CHCHD3: variants seen among roughly 807,000 people sequenced by gnomAD.
CHCHD3 encodes the protein MICOS complex subunit MIC19.
CHCHD3 carries 20 observed loss-of-function variants against 38.2 expected under a neutral mutation model. The observed-to-expected ratio is 0.52, with a 90% CI of 0.37 to 0.76. CHCHD3 has a LOEUF of 0.76. Ranked by LOEUF, CHCHD3 falls within the 30% of genes least tolerant of loss-of-function variation. The probability of loss-of-function intolerance (pLI) is 0.00; values close to 1 mark genes in which losing one functional copy is unlikely to be tolerated. For missense variants in CHCHD3, 245 were observed against 279.2 expected, an observed-to-expected ratio of 0.88 and a Z score of 0.87; for synonymous variants, 82 against 100.0, an observed-to-expected ratio of 0.82 and a Z score of 1.07.
chr7:132,820,229 T>A (rs951132512), intron 6 of CHCHD3, among the ~76,000 whole-genome samples: 1 of 152,210 alleles, frequency 6.6e-6, no homozygotes, highest in Non-Finnish European at 1.5e-5. Flanking sequence ...GGGACTGATA[T>A]AGGACTGCAG....
At chr7:132,872,792 C>T (rs188266016) in intron 5 of CHCHD3, among the ~76,000 whole-genome samples, 2 of 152,260 alleles carry the variant, frequency 1.3e-5, no homozygotes, top group Admixed American at 1.3e-4. Flanking sequence ...GTCAGGCCCA[C>T]CTCCACCAAA....
At chr7:132,867,841 A>C (rs1223453174) in intron 5 of CHCHD3, among the ~76,000 whole-genome samples, 1 of 152,232 alleles carries the variant, frequency 6.6e-6, no homozygotes, top group Non-Finnish European at 1.5e-5. Flanking sequence ...GGGGATCCAG[A>C]AAGTACATTA....
chr7:132,871,064 A>C (rs1230653634), intron 5 of CHCHD3, among the ~76,000 whole-genome samples: 1 of 152,222 alleles, frequency 6.6e-6, no homozygotes, highest in Non-Finnish European at 1.5e-5. Flanking sequence ...CTTGAAGCAC[A>C]GAATTTCATC....
intron 4 of CHCHD3, among the ~76,000 whole-genome samples, chr7:132,972,340 T>C (rs1811633321): frequency 6.6e-6 from 1 of 152,090 alleles, no homozygotes; most frequent in East Asian, 1.9e-4. Flanking sequence ...TACAAAAGAG[T>C]GTATACTATT....
intron 5 of CHCHD3, among the ~76,000 whole-genome samples, chr7:132,871,075 A>T (rs1808756933): frequency 6.6e-6 from 1 of 152,238 alleles, no homozygotes; most frequent in Admixed American, 6.5e-5. Flanking sequence ...GAATTTCATC[A>T]TAATTACAGT....
chr7:133,056,383 G>A (rs1320436565), intron 2 of CHCHD3, among the ~76,000 whole-genome samples: 2 of 151,602 alleles, frequency 1.3e-5, no homozygotes, highest in Non-Finnish European at 2.9e-5. Context: ...TCTCCTCCTC[G>A]CCCCCACCAC....
At chr7:132,835,078 C>T (rs1001027255) in intron 6 of CHCHD3, among the ~76,000 whole-genome samples, 1 of 151,628 alleles carries the variant, frequency 6.6e-6, no homozygotes, top group Non-Finnish European at 1.5e-5. Flanking sequence ...TCAGGTGATC[C>T]TCCCACCTGA....
chr7:132,899,458 C>T (rs192540741), intron 4 of CHCHD3, among the ~76,000 whole-genome samples: 68 of 152,322 alleles, frequency 4.5e-4, no homozygotes, highest in African/African-American at 1.6e-3. Context: ...AAAGGGCACG[C>T]TCCTATGGCC....
chr7:132,962,254 G>A (rs908543002), intron 4 of CHCHD3, among the ~76,000 whole-genome samples: 2 of 152,014 alleles, frequency 1.3e-5, no homozygotes, highest in Admixed American at 6.6e-5. Flanking sequence ...TAAAATAAAT[G>A]TGACTCTTGG....
chr7:132,927,439 G>C (rs546910678), intron 4 of CHCHD3, among the ~76,000 whole-genome samples: 1 of 152,276 alleles, frequency 6.6e-6, no homozygotes, highest in Non-Finnish European at 1.5e-5. Context: ...AGGGACAGCA[G>C]GTAACTTGAT....
chr7:133,079,695 T>C (rs1196168720), intron 1 of CHCHD3, among the ~76,000 whole-genome samples: 1 of 152,222 alleles, frequency 6.6e-6, no homozygotes, highest in African/African-American at 2.4e-5. Context: ...GATGTCTGCT[T>C]AATTCAAGCC....
chr7:132,970,419 T>C (rs1811585387), intron 4 of CHCHD3, among the ~76,000 whole-genome samples: 1 of 152,248 alleles, frequency 6.6e-6, no homozygotes, highest in Non-Finnish European at 1.5e-5. Flanking sequence ...AGCACTGGCA[T>C]ATATTAGGCA....
intron 4 of CHCHD3, among the ~76,000 whole-genome samples, chr7:132,899,925 A>G (rs1180750989): frequency 1.3e-5 from 2 of 152,244 alleles, no homozygotes; most frequent in Non-Finnish European, 2.9e-5. Context: ...AGGAAATTCA[A>G]TAAATGTGTA....
intron 7 of CHCHD3, among the ~76,000 whole-genome samples, chr7:132,792,350 T>C (rs1256347703): frequency 6.6e-6 from 1 of 152,212 alleles, no homozygotes; most frequent in African/African-American, 2.4e-5. Flanking sequence ...TTCACTTCAC[T>C]GACTTTGGAG....
chr7:132,974,805 C>T (rs1451624290), intron 4 of CHCHD3, among the ~76,000 whole-genome samples: 1 of 151,482 alleles, frequency 6.6e-6, no homozygotes, highest in Non-Finnish European at 1.5e-5. Context: ...ACCCCGGAGG[C>T]GGAGGTTGCA....
At chr7:132,812,447 G>T (rs1807097034) in intron 6 of CHCHD3, among the ~76,000 whole-genome samples, 1 of 151,918 alleles carries the variant, frequency 6.6e-6, no homozygotes, top group African/African-American at 2.4e-5. Flanking sequence ...GACCTCAAGT[G>T]ATCTACCCAT....
intron 5 of CHCHD3, among the ~76,000 whole-genome samples, chr7:132,871,385 A>G (rs1462703271): frequency 6.6e-6 from 1 of 152,230 alleles, no homozygotes; most frequent in East Asian, 1.9e-4. Context: ...GACGTCTGCC[A>G]AATTTCCACA....
In CHCHD3 at chr7:133,081,739, T is replaced by C. The variant is rs982488573; in HGVS notation, c.81+118A>G. 7.4e-6 allele frequency: 7 copies of C among 950,498 alleles called. No individual in the cohort carries two copies. In the African/African-American group the frequency reaches 8.2e-5, roughly 11 times the overall value. The allele number at this position is 950,498 out of a possible 1,614,324, so 58.9% of individuals were successfully genotyped here. A position where few individuals can be genotyped will look rare whatever the true frequency, so the allele number is the denominator to read the frequency against. ...GCTTCTTCCCAGACACCTGGGCTTC[T>C]GGCCTTAATACGCTAGGGTCCAGGA... On this transcript the variant is annotated intron_variant, in intron 1 of 7. Transcript: ENST00000262570.
intron 3 of CHCHD3, among the ~76,000 whole-genome samples, chr7:133,019,187 G>A (rs1813113983): frequency 1.3e-5 from 2 of 152,022 alleles, no homozygotes; most frequent in African/African-American, 4.8e-5. Flanking sequence ...CCAGCCACAT[G>A]ATTTCTTGTA....
Sources: allele counts gnomAD v4.1 joint callset (sites outside exome capture counted in the v4.1 genomes callset), GRCh38; gene constraint gnomAD v4.1.1; transcripts MANE v1.5; gene names NCBI Gene and HGNC (gene_info 2026-07-23, HGNC 2026-07-21).